DYM: variants seen among roughly 807,000 people sequenced by gnomAD.
The protein encoded by DYM is dyggve-Melchior-Clausen syndrome protein.
In DYM, 78 loss-of-function variants were observed where a neutral mutation model predicts 93.1. The ratio of observed to expected loss-of-function variants is 0.84; its 90% confidence interval spans 0.70 to 1.01. The LOEUF is 1.01. Among genes scored for constraint, DYM ranks in the 50% least tolerant of loss-of-function variants. The pLI, the probability that DYM is intolerant of heterozygous loss-of-function variation, is 0.00. For missense variants in DYM, 789 were observed against 845.0 expected, an observed-to-expected ratio of 0.93 and a Z score of 0.82; for synonymous variants, 321 against 319.7, an observed-to-expected ratio of 1.00 and a Z score of -0.04.
At chr18:49,346,777 A>T (rs1195558783) in intron 6 of DYM, among the ~76,000 whole-genome samples, 1 of 152,230 alleles carries the variant, frequency 6.6e-6, no homozygotes, top group African/African-American at 2.4e-5. Context: ...CCTGCCTTTT[A>T]TGTGGAAGCA....
rs550447033 is a variant in DYM at position 49,053,659 on chromosome 18, C to G, written c.2026-9455G>C. On this transcript the variant is annotated intron_variant, in intron 17 of 17. Coordinates refer to ENST00000675505, the MANE Select transcript of DYM (RefSeq NM_001353214.3). ...TGAAAACTACACAGGTTTGGAGATC[C>G]TGTCGTAAAATAGCAGAGGACGCAT... is the stretch of plus-strand genomic sequence containing the variant. Among the ~76,000 whole-genome samples, 84 of 152,284 alleles carry G rather than the reference C, an allele frequency of 5.5e-4. No individual in the cohort carries two copies. In the South Asian group the frequency reaches 0.017, roughly 30 times the overall value.
intron 8 of DYM, among the ~76,000 whole-genome samples, chr18:49,303,484 T>C (rs545269230): frequency 5.3e-5 from 8 of 152,288 alleles, no homozygotes; most frequent in African/African-American, 1.9e-4. Context: ...GCCTATGACC[T>C]GGAGTGTGCT....
chr18:49,106,608 G>GA (rs1198241083), intron 16 of DYM, among the ~76,000 whole-genome samples: 2 of 152,122 alleles, frequency 1.3e-5, no homozygotes, highest in Non-Finnish European at 2.9e-5. Flanking sequence ...CTGGTGGTGA[G>GA]AAAATCTCTC....
At chr18:49,441,669 AGAGGAGTGTACCTGAACCAGCCGACCT>A (rs1325429625) in intron 1 of DYM, among the ~76,000 whole-genome samples, 5 of 152,018 alleles carry the variant, frequency 3.3e-5, no homozygotes, top group Non-Finnish European at 5.9e-5. Flanking sequence ...GGAAGGTGAC[AGAGGAGTGTACCTGAACCAGCCGACCT>A]GAGGAAGCCC....
rs570995752 is a variant in DYM, at chr18:49,036,437, C to T, written c.*7618G>A. On this transcript the variant is annotated 3_prime_UTR_variant, in exon 18 of 18. Transcript: ENST00000675505. ...GAGGCATACTTAATATATAAAACTG[C>T]ACATATGTAATAAAGTGTACAATTT... Among the ~76,000 whole-genome samples the T allele has an allele frequency of 9.2e-4, 139 of 151,768 alleles. No individual in the cohort carries two copies. The highest frequency in any genetic ancestry group is 3.0e-3 in the African/African-American group (123 of 41,322).
intron 14 of DYM, among the ~76,000 whole-genome samples, chr18:49,196,831 G>A (rs1431304955): frequency 6.6e-6 from 1 of 152,288 alleles, no homozygotes; most frequent in Non-Finnish European, 1.5e-5. Context: ...GGAATTAGGG[G>A]TGAGGGTGGG....
At chr18:49,060,607 C>T (rs928515340) in intron 17 of DYM, among the ~76,000 whole-genome samples, 1 of 137,568 alleles carries the variant, frequency 7.3e-6, no homozygotes, top group Non-Finnish European at 1.6e-5. Flanking sequence ...CCCTCTGCCA[C>T]AGGGTGGCTT....
At chr18:49,317,604 C>CTCT (rs1197711626) in intron 8 of DYM, among the ~76,000 whole-genome samples, 21 of 12,868 alleles carry the variant, frequency 1.6e-3, no homozygotes, top group Admixed American at 5.5e-3. Context: ...TCTCCCCCCT[C>CTCT]CCCCCTCCCT....
intron 15 of DYM, among the ~76,000 whole-genome samples, chr18:49,153,265 A>T (rs1018001177): frequency 2.6e-5 from 4 of 152,154 alleles, no homozygotes; most frequent in African/African-American, 9.7e-5. Context: ...TAAACCTGGG[A>T]AAAAAATCGA....
chr18:49,259,360 T>G (rs555076598), intron 11 of DYM, among the ~76,000 whole-genome samples: 1 of 152,324 alleles, frequency 6.6e-6, no homozygotes, highest in East Asian at 1.9e-4. Flanking sequence ...TAATTACCAG[T>G]GCACATGAAA....
At chr18:49,428,741 T>C (rs1177775401) in intron 2 of DYM, among the ~76,000 whole-genome samples, 1 of 152,098 alleles carries the variant, frequency 6.6e-6, no homozygotes, top group Non-Finnish European at 1.5e-5. Flanking sequence ...TGTCTGCTAA[T>C]GGGCATGGGA....
At chr18:49,071,740 A>G (rs1431482976) in intron 17 of DYM, among the ~76,000 whole-genome samples, 1 of 152,232 alleles carries the variant, frequency 6.6e-6, no homozygotes, top group Non-Finnish European at 1.5e-5. Flanking sequence ...AAAGAGTAAA[A>G]GGAATTCATT....
intron 13 of DYM, among the ~76,000 whole-genome samples, chr18:49,217,994 T>C (rs907000561): frequency 9.2e-5 from 14 of 152,120 alleles, no homozygotes; most frequent in Non-Finnish European, 1.8e-4. Flanking sequence ...ATCAGTGTGC[T>C]GTATTCAGGA....
At chr18:49,348,478 A>G (rs931703260) in intron 6 of DYM, among the ~76,000 whole-genome samples, 3 of 152,342 alleles carry the variant, frequency 2.0e-5, no homozygotes, top group African/African-American at 7.2e-5. Flanking sequence ...TTGGGATTCA[A>G]GAAATGTGGA....
chr18:49,156,761 G>A (rs2086501413), intron 15 of DYM, among the ~76,000 whole-genome samples: 2 of 150,242 alleles, frequency 1.3e-5, no homozygotes, highest in South Asian at 4.2e-4. Flanking sequence ...AAAAAGTGTG[G>A]AAGACAGCAT....
intron 16 of DYM, among the ~76,000 whole-genome samples, chr18:49,103,353 T>G (rs1294581793): frequency 3.3e-5 from 5 of 152,312 alleles, no homozygotes; most frequent in Middle Eastern, 3.4e-3. Context: ...TTTCTCCCAT[T>G]CTGTAGGTTG....
chr18:49,190,666 A>T (rs2090878275), intron 14 of DYM, among the ~76,000 whole-genome samples: 1 of 152,228 alleles, frequency 6.6e-6, no homozygotes, highest in Non-Finnish European at 1.5e-5. Context: ...TATAAATGTT[A>T]CCTGTATAAA....
chr18:49,101,841 A>C (rs2080177495), intron 16 of DYM, among the ~76,000 whole-genome samples: 2 of 152,208 alleles, frequency 1.3e-5, no homozygotes, highest in Non-Finnish European at 2.9e-5. Context: ...TCTTGAAGAA[A>C]GACACAGTGT....
intron 1 of DYM, among the ~76,000 whole-genome samples, chr18:49,458,908 T>C (rs1268456663): frequency 2.6e-5 from 4 of 152,140 alleles, no homozygotes; most frequent in Non-Finnish European, 1.5e-5. Flanking sequence ...ACAGATGAAA[T>C]TGAATGTCTA....
Sources: gnomAD v4.1 joint callset for allele counts (sites outside exome capture counted in the v4.1 genomes callset) on GRCh38, gnomAD v4.1.1 for gene constraint, MANE v1.5 for transcripts, NCBI Gene and HGNC (gene_info 2026-07-23, HGNC 2026-07-21) for gene names.